LYPLAL1: variants seen among roughly 807,000 people sequenced by gnomAD.
LYPLAL1 encodes lysophospholipase like 1.
Under a neutral mutation model 19.7 loss-of-function variants are expected in LYPLAL1, and 23 were observed. That is an observed-to-expected ratio of 1.17 (90% CI 0.84 to 1.65). The LOEUF is 1.65. Ranked by LOEUF, LYPLAL1 falls within the 40% of genes most tolerant of loss-of-function variation. The pLI is 0.00. For synonymous variants in LYPLAL1, 119 were observed against 96.3 expected (o/e 1.24, Z -1.38); for missense variants, 355 against 279.4 (o/e 1.27, Z -1.93).
At chr1:219,239,671 G>A in the LYPLAL1 span, among the ~76,000 whole-genome samples, 1 of 152,160 alleles carries the variant, frequency 6.6e-6, no homozygotes, top group Non-Finnish European at 1.5e-5. Context: ...AACTAAATGT[G>A]ACAATATAAA....
the LYPLAL1 span, among the ~76,000 whole-genome samples, chr1:219,310,331 G>C: frequency 2.9e-4 from 44 of 152,146 alleles, no homozygotes; most frequent in Non-Finnish European, 5.6e-4. Context: ...AGTCAGCCCT[G>C]CCTGCTCCCT....
At chr1:219,230,530 G>A in the LYPLAL1 span, among the ~76,000 whole-genome samples, 48 of 152,264 alleles carry the variant, frequency 3.2e-4, 1 homozygote, top group Admixed American at 1.8e-3. Context: ...GATTCATAAT[G>A]TTTTCAATCT....
chr1:219,253,915 T>G, the LYPLAL1 span, among the ~76,000 whole-genome samples: 27,732 of 151,940 alleles, frequency 0.18, 2,746 homozygotes, highest in Non-Finnish European at 0.21. Context: ...TTGTTTATGT[T>G]GCTTTGTAGG....
chr1:219,239,959 G>T, the LYPLAL1 span, among the ~76,000 whole-genome samples: 13 of 152,146 alleles, frequency 8.5e-5, no homozygotes, highest in Non-Finnish European at 1.9e-4. Flanking sequence ...GTGAAGAAAA[G>T]GTCACAGTAT....
the LYPLAL1 span, among the ~76,000 whole-genome samples, chr1:219,355,843 A>G: frequency 6.6e-6 from 1 of 152,320 alleles, no homozygotes; most frequent in South Asian, 2.1e-4. Context: ...GATATTTGGA[A>G]GCTAAACTAC....
chr1:219,289,301 G>A, the LYPLAL1 span, among the ~76,000 whole-genome samples: 6 of 152,036 alleles, frequency 3.9e-5, no homozygotes, highest in Non-Finnish European at 7.4e-5. Flanking sequence ...AAGGAAGCCC[G>A]TGAGAGCTGT....
chr1:219,281,064 G>A, the LYPLAL1 span, among the ~76,000 whole-genome samples: 2 of 152,058 alleles, frequency 1.3e-5, no homozygotes. Flanking sequence ...AAATAAATAA[G>A]TAGACAGATA....
chr1:219,302,007 G>C, the LYPLAL1 span, among the ~76,000 whole-genome samples: 9 of 152,216 alleles, frequency 5.9e-5, no homozygotes, highest in African/African-American at 2.2e-4. Context: ...GAGAACTGGG[G>C]GTAGGGGCTC....
chr1:219,395,455 C>T, the LYPLAL1 span, among the ~76,000 whole-genome samples: 1 of 152,148 alleles, frequency 6.6e-6, no homozygotes. Context: ...GTCCTTTGCC[C>T]ACTTTTTAGT....
the LYPLAL1 span, among the ~76,000 whole-genome samples, chr1:219,384,268 G>T: frequency 6.6e-6 from 1 of 152,190 alleles, no homozygotes; most frequent in African/African-American, 2.4e-5. Flanking sequence ...AGCTTCTAAT[G>T]GGTAAAGGAA....
At chr1:219,256,397 T>A in the LYPLAL1 span, among the ~76,000 whole-genome samples, 3 of 151,880 alleles carry the variant, frequency 2.0e-5, no homozygotes, top group Non-Finnish European at 4.4e-5. Context: ...GTAATAATGA[T>A]CCCTTTTTCC....
chr1:219,422,883 T>C, the LYPLAL1 span, among the ~76,000 whole-genome samples: 1 of 152,122 alleles, frequency 6.6e-6, no homozygotes, highest in Non-Finnish European at 1.5e-5. Flanking sequence ...TACCAAATAT[T>C]AGTCATCTTT....
At chr1:219,325,775 GT>G in the LYPLAL1 span, among the ~76,000 whole-genome samples, 1 of 152,104 alleles carries the variant, frequency 6.6e-6, no homozygotes, top group Non-Finnish European at 1.5e-5. Context: ...AATCCACTCA[GT>G]TTTAGCAGAG....
At chr1:219,188,405 C>T (rs1348899213) in intron 2 of LYPLAL1, among the ~76,000 whole-genome samples, 1 of 151,572 alleles carries the variant, frequency 6.6e-6, no homozygotes, top group East Asian at 1.9e-4. Context: ...ACAGTCGGAG[C>T]CCACCATGCA....
At chr1:219,264,728 T>C in the LYPLAL1 span, among the ~76,000 whole-genome samples, 2 of 152,182 alleles carry the variant, frequency 1.3e-5, no homozygotes, top group African/African-American at 4.8e-5. Context: ...CCTCCCACTG[T>C]TTTCCTTTGC....
At chr1:219,416,307 T>C in the LYPLAL1 span, among the ~76,000 whole-genome samples, 1 of 152,228 alleles carries the variant, frequency 6.6e-6, no homozygotes, top group Non-Finnish European at 1.5e-5. Context: ...CTGAGGACCA[T>C]GACAGTTTTG....
the LYPLAL1 span, among the ~76,000 whole-genome samples, chr1:219,313,758 C>T: frequency 6.6e-6 from 1 of 152,098 alleles, no homozygotes; most frequent in African/African-American, 2.4e-5. Flanking sequence ...TGGTCTCCAA[C>T]TCCTGACCTC....
At chr1:219,432,409 A>T in the LYPLAL1 span, among the ~76,000 whole-genome samples, 2 of 152,158 alleles carry the variant, frequency 1.3e-5, no homozygotes, top group African/African-American at 4.8e-5. Flanking sequence ...AAGAGATGGG[A>T]AAACATCTTT....
At chr1:219,260,666 A>G in the LYPLAL1 span, among the ~76,000 whole-genome samples, 1 of 148,978 alleles carries the variant, frequency 6.7e-6, no homozygotes, top group Non-Finnish European at 1.5e-5. Flanking sequence ...CTATATATAT[A>G]ATATAGGTGG....
Sources: allele counts gnomAD v4.1 joint callset (sites outside exome capture counted in the v4.1 genomes callset), GRCh38; gene constraint gnomAD v4.1.1; transcripts MANE v1.5; gene names NCBI Gene and HGNC (gene_info 2026-07-23, HGNC 2026-07-21).